The following KCND2 variants were observed in gnomAD, a reference collection of about 807,000 sequenced individuals.
KCND2 encodes A-type voltage-gated potassium channel KCND2.
In KCND2, 16 loss-of-function variants were observed where a neutral mutation model predicts 54.4. The observed-to-expected ratio is 0.29, with a 90% CI of 0.20 to 0.45. The LOEUF (loss-of-function observed/expected upper bound fraction) is 0.45, where lower values mean the gene tolerates loss of function less well. KCND2 is among the 20% of genes least tolerant of loss of function. KCND2 has a pLI of 1.00. For missense variants in KCND2, 486 were observed against 824.2 expected (o/e 0.59, Z 5.02); for synonymous variants, 317 against 310.7 (o/e 1.02, Z -0.21).
At chr7:120,504,637 A>G (rs1468419362) in intron 1 of KCND2, among the ~76,000 whole-genome samples, 2 of 151,912 alleles carry the variant, frequency 1.3e-5, no homozygotes, top group East Asian at 3.8e-4. Context: ...ACTAAAGACC[A>G]TGTGGTACAA....
intron 1 of KCND2, among the ~76,000 whole-genome samples, chr7:120,278,748 C>G (rs943709240): frequency 7.3e-5 from 11 of 151,420 alleles, no homozygotes; most frequent in Non-Finnish European, 1.0e-4. Context: ...CTGTATAAGT[C>G]ATTACTTAAT....
At chr7:120,298,742 A>G (rs1338832103) in intron 1 of KCND2, among the ~76,000 whole-genome samples, 1 of 152,186 alleles carries the variant, frequency 6.6e-6, no homozygotes, top group Non-Finnish European at 1.5e-5. Flanking sequence ...ATTAAAATCC[A>G]TTTTTCTTCT....
intron 1 of KCND2, among the ~76,000 whole-genome samples, chr7:120,445,143 C>G (rs1012689053): frequency 2.0e-5 from 3 of 152,012 alleles, no homozygotes; most frequent in African/African-American, 7.2e-5. Flanking sequence ...TATAAACTCA[C>G]CTTTGAAAAT....
intron 1 of KCND2, among the ~76,000 whole-genome samples, chr7:120,304,637 A>G (rs746208468): frequency 1.3e-5 from 2 of 152,134 alleles, no homozygotes; most frequent in African/African-American, 2.4e-5. Flanking sequence ...CTGAAATACA[A>G]ATTAGCAACT....
chr7:120,729,723 A>G (rs1296427681), intron 1 of KCND2, among the ~76,000 whole-genome samples: 1 of 152,148 alleles, frequency 6.6e-6, no homozygotes, highest in African/African-American at 2.4e-5. Context: ...CACCATAATC[A>G]TTGCAGTCCT....
intron 1 of KCND2, among the ~76,000 whole-genome samples, chr7:120,335,455 A>AC (rs1444279315): frequency 1.2e-3 from 156 of 130,956 alleles, no homozygotes; most frequent in African/African-American, 4.7e-3. Context: ...TTATTTATTT[A>AC]TTTACTTACT....
intron 1 of KCND2, among the ~76,000 whole-genome samples, chr7:120,627,087 T>C (rs983622970): frequency 2.0e-5 from 3 of 152,214 alleles, no homozygotes; most frequent in South Asian, 4.1e-4. Flanking sequence ...TCAATGTTAC[T>C]TCAAAGAAGT....
At chr7:120,697,692 A>T (rs992126146) in intron 1 of KCND2, among the ~76,000 whole-genome samples, 4 of 152,230 alleles carry the variant, frequency 2.6e-5, no homozygotes, top group Non-Finnish European at 5.9e-5. Context: ...CTGTGGGGAT[A>T]ATGATAAGAT....
intron 1 of KCND2, among the ~76,000 whole-genome samples, chr7:120,731,583 C>T (rs1404858610): frequency 6.6e-6 from 1 of 152,144 alleles, no homozygotes; most frequent in Non-Finnish European, 1.5e-5. Flanking sequence ...AGTTTCAAGT[C>T]CATGTCAGGG....
At chr7:120,553,733 G>C (rs541907499) in intron 1 of KCND2, among the ~76,000 whole-genome samples, 1 of 152,188 alleles carries the variant, frequency 6.6e-6, no homozygotes, top group Non-Finnish European at 1.5e-5. Context: ...AGGAAATGAA[G>C]ATGATTCTCA....
At chr7:120,600,952 T>A (rs1413186931) in intron 1 of KCND2, among the ~76,000 whole-genome samples, 1 of 152,118 alleles carries the variant, frequency 6.6e-6, no homozygotes, top group Admixed American at 6.5e-5. Context: ...TATTCCTAAT[T>A]TTACTGCAAC....
chr7:120,307,216 G>C (rs1444892825), intron 1 of KCND2, among the ~76,000 whole-genome samples: 2 of 149,318 alleles, frequency 1.3e-5, no homozygotes, highest in Admixed American at 1.3e-4. Flanking sequence ...TTTATGTAGA[G>C]AAAAAAAAAC....
intron 1 of KCND2, among the ~76,000 whole-genome samples, chr7:120,722,614 T>C (rs1792682778): frequency 6.6e-6 from 1 of 152,224 alleles, no homozygotes; most frequent in African/African-American, 2.4e-5. Context: ...ATTAGGTCAT[T>C]ACTGGATAAT....
intron 1 of KCND2, among the ~76,000 whole-genome samples, chr7:120,351,238 ATGTG>A (rs377729206): frequency 1.5e-5 from 1 of 64,580 alleles, no homozygotes; most frequent in East Asian, 5.3e-4. Flanking sequence ...ATATATTTAT[ATGTG>A]TGTATATATA....
intron 1 of KCND2, among the ~76,000 whole-genome samples, chr7:120,443,964 C>T (rs977250431): frequency 3.3e-5 from 5 of 152,102 alleles, no homozygotes; most frequent in East Asian, 1.9e-4. Flanking sequence ...TCAAGATCTG[C>T]TCTTGAACTT....
At chr7:120,284,405 G>A (rs1427444001) in intron 1 of KCND2, among the ~76,000 whole-genome samples, 1 of 152,086 alleles carries the variant, frequency 6.6e-6, no homozygotes. Context: ...TTGGAAAAAT[G>A]AAATTCTTCT....
chr7:120,406,217 A>G (rs545695786), intron 1 of KCND2, among the ~76,000 whole-genome samples: 6 of 152,016 alleles, frequency 3.9e-5, no homozygotes, highest in Non-Finnish European at 8.8e-5. Context: ...AATTTTCCCC[A>G]TCAAAAGGAT....
chr7:120,648,217 T>A (rs1793465798), intron 1 of KCND2, among the ~76,000 whole-genome samples: 2 of 151,958 alleles, frequency 1.3e-5, no homozygotes, highest in African/African-American at 4.8e-5. Context: ...ATATTTATAA[T>A]TAAAAAGATG....
chr7:120,653,585 G>A (rs1791765954), intron 1 of KCND2, among the ~76,000 whole-genome samples: 1 of 152,104 alleles, frequency 6.6e-6, no homozygotes. Flanking sequence ...CAACTAACTA[G>A]CTATGTGACC....
Sources: gnomAD v4.1 joint callset for allele counts (sites outside exome capture counted in the v4.1 genomes callset) on GRCh38, gnomAD v4.1.1 for gene constraint, MANE v1.5 for transcripts, NCBI Gene and HGNC (gene_info 2026-07-23, HGNC 2026-07-21) for gene names.